The following PAPPA2 variants were observed in gnomAD, a reference collection of about 807,000 sequenced individuals.
PAPPA2 encodes pappalysin 2.
A neutral mutation model predicts 176.4 loss-of-function variants in PAPPA2; 86 were observed. The observed-to-expected ratio is 0.49, with a 90% CI of 0.41 to 0.58. PAPPA2 has a LOEUF of 0.58. PAPPA2 is among the 20% of genes least tolerant of loss of function. The pLI is 0.00. For missense variants in PAPPA2, 2,073 were observed against 2,256.9 expected, an observed-to-expected ratio of 0.92 and a Z score of 1.65; for synonymous variants, 809 against 852.2, an observed-to-expected ratio of 0.95 and a Z score of 0.88.
intron 9 of PAPPA2, among the ~76,000 whole-genome samples, chr1:176,703,440 TTGA>T: frequency 6.6e-6 from 1 of 152,234 alleles, no homozygotes; most frequent in Non-Finnish European, 1.5e-5. Context: ...TCCTGGACAG[TTGA>T]TCACCCTACA....
intron 3 of PAPPA2, among the ~76,000 whole-genome samples, chr1:176,637,673 C>G (rs1656803582): frequency 6.6e-6 from 1 of 152,126 alleles, no homozygotes; most frequent in Non-Finnish European, 1.5e-5. Flanking sequence ...GGCATGGGAT[C>G]TAATCCAAAC....
chr1:176,792,256 C>T (rs1391274731), intron 19 of PAPPA2, among the ~76,000 whole-genome samples: 1 of 152,200 alleles, frequency 6.6e-6, no homozygotes, highest in African/African-American at 2.4e-5. Context: ...CCTTGGCTGG[C>T]CCTAAATATC....
intron 14 of PAPPA2, among the ~76,000 whole-genome samples, chr1:176,758,819 C>A (rs146297824): frequency 1.4e-3 from 220 of 152,306 alleles, no homozygotes; most frequent in Non-Finnish European, 2.1e-3. Flanking sequence ...CTACCACATC[C>A]TGCCTGTTCA....
At chr1:176,697,680 G>C (rs906693509) in intron 7 of PAPPA2, among the ~76,000 whole-genome samples, 3 of 152,052 alleles carry the variant, frequency 2.0e-5, no homozygotes, top group Non-Finnish European at 4.4e-5. Flanking sequence ...ACCTAAAATA[G>C]CTCCCAGCCT....
At chr1:176,838,953 A>T (rs1667379466) in intron 21 of PAPPA2, among the ~76,000 whole-genome samples, 1 of 152,258 alleles carries the variant, frequency 6.6e-6, no homozygotes, top group Non-Finnish European at 1.5e-5. Context: ...ACTCGTTCTG[A>T]TGTAACTCAA....
At chr1:176,515,585 C>A (rs1648863741) in intron 1 of PAPPA2, among the ~76,000 whole-genome samples, 1 of 152,170 alleles carries the variant, frequency 6.6e-6, no homozygotes, top group Admixed American at 6.6e-5. Flanking sequence ...ACTACATGTA[C>A]CTGTTGCATC....
intron 14 of PAPPA2, among the ~76,000 whole-genome samples, chr1:176,763,119 T>C (rs1006367545): frequency 1.3e-5 from 2 of 152,226 alleles, no homozygotes; most frequent in African/African-American, 4.8e-5. Flanking sequence ...TATTCAATGA[T>C]ATTTATTTTC....
At chr1:176,800,580 C>T (rs185061132) in intron 21 of PAPPA2, among the ~76,000 whole-genome samples, 49 of 152,254 alleles carry the variant, frequency 3.2e-4, no homozygotes, top group African/African-American at 1.1e-3. Flanking sequence ...TAACATTACA[C>T]ACATATGCAC....
intron 17 of PAPPA2, among the ~76,000 whole-genome samples, chr1:176,788,962 A>G (rs1035926170): frequency 2.0e-5 from 3 of 152,190 alleles, no homozygotes; most frequent in Non-Finnish European, 4.4e-5. Context: ...ATATTGCCAT[A>G]TCAACACTGT....
chr1:176,629,728 T>C (rs182761335), intron 3 of PAPPA2, among the ~76,000 whole-genome samples: 19 of 152,286 alleles, frequency 1.2e-4, no homozygotes, highest in African/African-American at 4.6e-4. Flanking sequence ...TAAACAAGTG[T>C]ATATTGAACA....
intron 3 of PAPPA2, among the ~76,000 whole-genome samples, chr1:176,613,954 T>C (rs1273253125): frequency 6.6e-6 from 1 of 152,118 alleles, no homozygotes; most frequent in African/African-American, 2.4e-5. Context: ...GAAAGCAGCC[T>C]GCAAGTCCCA....
intron 3 of PAPPA2, among the ~76,000 whole-genome samples, chr1:176,625,160 C>T (rs764617669): frequency 1.2e-4 from 19 of 152,216 alleles, no homozygotes; most frequent in Non-Finnish European, 2.5e-4. Flanking sequence ...CCAGGGCTCA[C>T]TCTGACCCAC....
At chr1:176,722,700 T>C (rs1348005773) in intron 12 of PAPPA2, among the ~76,000 whole-genome samples, 3 of 152,184 alleles carry the variant, frequency 2.0e-5, no homozygotes, top group Non-Finnish European at 2.9e-5. Flanking sequence ...CAATGTGTTC[T>C]TTTTTATATT....
chr1:176,734,252 G>A (rs575371224), intron 12 of PAPPA2, among the ~76,000 whole-genome samples: 139 of 152,210 alleles, frequency 9.1e-4, no homozygotes, highest in South Asian at 3.3e-3. Context: ...AAAGAATTCA[G>A]CCAGTCGTCT....
intron 21 of PAPPA2, among the ~76,000 whole-genome samples, chr1:176,801,597 G>A (rs891095436): frequency 6.6e-6 from 1 of 152,044 alleles, no homozygotes; most frequent in African/African-American, 2.4e-5. Flanking sequence ...AGTGGGGTGG[G>A]GACGCGGGAG....
intron 21 of PAPPA2, among the ~76,000 whole-genome samples, chr1:176,837,357 T>C (rs993139393): frequency 6.6e-6 from 1 of 151,192 alleles, no homozygotes; most frequent in Non-Finnish European, 1.5e-5. Context: ...CTCTGAGGGG[T>C]GTGTGTGTGC....
At chr1:176,628,259 A>G (rs1656143979) in intron 3 of PAPPA2, among the ~76,000 whole-genome samples, 1 of 152,180 alleles carries the variant, frequency 6.6e-6, no homozygotes, top group African/African-American at 2.4e-5. Context: ...CTGATGATGA[A>G]AAATTATTAT....
chr1:176,715,585 T>C (rs1251842491), intron 12 of PAPPA2, among the ~76,000 whole-genome samples: 1 of 152,196 alleles, frequency 6.6e-6, no homozygotes, highest in Non-Finnish European at 1.5e-5. Context: ...CACGTGTTCT[T>C]TCAGGCATAG....
chr1:176,666,826 T>C (rs1000928253), intron 3 of PAPPA2, among the ~76,000 whole-genome samples: 1 of 151,580 alleles, frequency 6.6e-6, no homozygotes, highest in African/African-American at 2.4e-5. Flanking sequence ...TACAGACAAG[T>C]GGAACTGAAA....
Sources: allele counts gnomAD v4.1 joint callset (sites outside exome capture counted in the v4.1 genomes callset), GRCh38; gene constraint gnomAD v4.1.1; transcripts MANE v1.5; gene names NCBI Gene and HGNC (gene_info 2026-07-23, HGNC 2026-07-21).